The following AK5 variants were observed in gnomAD, a reference collection of about 807,000 sequenced individuals.
AK5 encodes the protein adenylate kinase isoenzyme 5.
Under a neutral mutation model 69.5 loss-of-function variants are expected in AK5, and 27 were observed. The observed-to-expected ratio is 0.39, with a 90% CI of 0.29 to 0.54. AK5 has a LOEUF of 0.54. Among genes scored for constraint, AK5 ranks in the 20% least tolerant of loss-of-function variants. The pLI, the probability that AK5 is intolerant of heterozygous loss-of-function variation, is 0.71. For missense variants in AK5, 531 were observed against 700.4 expected (o/e 0.76, Z 2.73); for synonymous variants, 260 against 244.4 (o/e 1.06, Z -0.60).
chr1:77,473,398 G>C (rs1004037590), intron 8 of AK5, among the ~76,000 whole-genome samples: 1 of 151,876 alleles, frequency 6.6e-6, no homozygotes, highest in Admixed American at 6.6e-5. Flanking sequence ...AGCTTCTTTA[G>C]ACAGCACCTA....
At chr1:77,440,905 T>C (rs989712541) in intron 8 of AK5, among the ~76,000 whole-genome samples, 1 of 152,040 alleles carries the variant, frequency 6.6e-6, no homozygotes, top group African/African-American at 2.4e-5. Flanking sequence ...GAGCCCACCA[T>C]GCCCAGCTAA....
chr1:77,437,786 G>A (rs745736096), intron 8 of AK5, among the ~76,000 whole-genome samples: 28 of 152,034 alleles, frequency 1.8e-4, no homozygotes, highest in Non-Finnish European at 3.8e-4. Context: ...GTATTTAAAG[G>A]GTTTTTTTTT....
intron 1 of AK5, among the ~76,000 whole-genome samples, chr1:77,283,780 T>C (rs1658199640): frequency 6.6e-6 from 1 of 152,116 alleles, no homozygotes; most frequent in African/African-American, 2.4e-5. Flanking sequence ...AAAGTAAATA[T>C]GGAAATTAAG....
intron 6 of AK5, among the ~76,000 whole-genome samples, chr1:77,402,617 A>G (rs1397137522): frequency 1.3e-5 from 2 of 152,026 alleles, no homozygotes; most frequent in Non-Finnish European, 2.9e-5. Flanking sequence ...CCTACAAAGG[A>G]CACGAACTCA....
intron 13 of AK5, among the ~76,000 whole-genome samples, chr1:77,543,371 A>G (rs1211974686): frequency 1.3e-5 from 2 of 152,224 alleles, no homozygotes; most frequent in African/African-American, 4.8e-5. Flanking sequence ...TTCTTCTTTC[A>G]GTTGGCTAAA....
At chr1:77,447,554 T>TA (rs1652829873) in intron 8 of AK5, among the ~76,000 whole-genome samples, 1 of 150,662 alleles carries the variant, frequency 6.6e-6, no homozygotes, top group South Asian at 2.1e-4. Flanking sequence ...CTGTTTTCTT[T>TA]TAAAAAAAAC....
intron 6 of AK5, among the ~76,000 whole-genome samples, chr1:77,370,380 A>G (rs1279291049): frequency 6.6e-6 from 1 of 152,124 alleles, no homozygotes; most frequent in Non-Finnish European, 1.5e-5. Context: ...CTCACACGCA[A>G]CCTCAAAGCC....
At chr1:77,537,810 CTGAG>C (rs1659052315) in intron 13 of AK5, among the ~76,000 whole-genome samples, 3 of 152,196 alleles carry the variant, frequency 2.0e-5, no homozygotes, top group Admixed American at 1.3e-4. Flanking sequence ...CTGCATTTAA[CTGAG>C]TGTCAAATAT....
chr1:77,518,893 A>G lies in AK5; in HGVS notation c.1311+166A>G, dbSNP rs906140488. Among the ~76,000 whole-genome samples the G allele has an allele frequency of 3.9e-5, 6 of 152,280 alleles. No homozygotes were observed. The East Asian group carries it at 1.2e-3, about 29-fold the overall frequency. On this transcript the variant is annotated intron_variant, in intron 11 of 13. Transcript: ENST00000354567. Reference sequence around the variant, plus strand: ...CCAGATGCAGGCAGGTCTACAGCAGACAGACCTTCTACTCAACCAGGTCGA... The same window carrying G: ...CCAGATGCAGGCAGGTCTACAGCAGGCAGACCTTCTACTCAACCAGGTCGA...
At chr1:77,358,018 T>TGTGTGTGTGTGTGTGTGTGA (rs762714026) in intron 6 of AK5, among the ~76,000 whole-genome samples, 2,987 of 128,138 alleles carry the variant, frequency 0.023, 52 homozygotes, top group East Asian at 0.042. Context: ...TGTGTGTGTG[T>TGTGTGTGTGTGTGTGTGTGA]GAGAGAGAGA....
intron 6 of AK5, among the ~76,000 whole-genome samples, chr1:77,398,924 A>C (rs868409803): frequency 6.6e-6 from 1 of 152,150 alleles, no homozygotes; most frequent in Non-Finnish European, 1.5e-5. Context: ...GAGATATTCT[A>C]AAAGTTTATT....
At chr1:77,367,600 A>ATATATATGTTATATATGT (rs1333659253) in intron 6 of AK5, among the ~76,000 whole-genome samples, 9 of 42,236 alleles carry the variant, frequency 2.1e-4, no homozygotes, top group South Asian at 1.2e-3. Context: ...TATATATGTA[A>ATATATATGTTATATATGT]TATATATGTA....
chr1:77,313,884 T>G (rs781585770), intron 5 of AK5: 3 of 531,932 alleles, frequency 5.6e-6, no homozygotes, highest in Admixed American at 3.9e-5. Context: ...TCCGTCAAGA[T>G]TCTCCCTAAA....
chr1:77,475,220 A>G (rs185861371), intron 8 of AK5, among the ~76,000 whole-genome samples: 2,754 of 144,176 alleles, frequency 0.019, 49 homozygotes, highest in Non-Finnish European at 0.027. Flanking sequence ...TGTGTATTCT[A>G]TATACTCCAT....
chr1:77,283,189 T>C (rs981515332), intron 1 of AK5: 9 of 985,480 alleles, frequency 9.1e-6, no homozygotes, highest in Non-Finnish European at 1.1e-5. Context: ...CCTTGGTCTG[T>C]TCTAAGCCAC....
intron 2 of AK5, among the ~76,000 whole-genome samples, chr1:77,290,682 C>A (rs1332567718): frequency 6.6e-6 from 1 of 152,168 alleles, no homozygotes; most frequent in Non-Finnish European, 1.5e-5. Context: ...TGTCCAAAAC[C>A]AAACACACTA....
intron 10 of AK5, among the ~76,000 whole-genome samples, chr1:77,512,142 TC>T (rs1470448985): frequency 9.2e-5 from 14 of 152,206 alleles, no homozygotes; most frequent in African/African-American, 3.4e-4. Flanking sequence ...ACAATACTGT[TC>T]TCTCTGCTTT....
intron 8 of AK5, among the ~76,000 whole-genome samples, chr1:77,464,837 G>A (rs61575581): frequency 0.05 from 7,621 of 152,178 alleles, 371 homozygotes; most frequent in East Asian, 0.19. Flanking sequence ...GGCCAAAAGA[G>A]ATGATGGAGG....
chr1:77,394,479 C>G (rs1021289789), intron 6 of AK5, among the ~76,000 whole-genome samples: 1 of 152,140 alleles, frequency 6.6e-6, no homozygotes, highest in East Asian at 1.9e-4. Context: ...TGATCTCCTA[C>G]TGTAGTTCTC....
Sources: allele counts gnomAD v4.1 joint callset (sites outside exome capture counted in the v4.1 genomes callset), GRCh38; gene constraint gnomAD v4.1.1; transcripts MANE v1.5; gene names NCBI Gene and HGNC (gene_info 2026-07-23, HGNC 2026-07-21).